The following USP32 variants were observed in gnomAD, a reference collection of about 807,000 sequenced individuals.
USP32 encodes ubiquitin specific peptidase 32.
Under a neutral mutation model 204.8 loss-of-function variants are expected in USP32, and 59 were observed. That is an observed-to-expected ratio of 0.29 (90% CI 0.23 to 0.36). USP32 has a LOEUF of 0.36. USP32 is among the 10% of genes least tolerant of loss of function. The pLI, the probability that USP32 is intolerant of heterozygous loss-of-function variation, is 1.00. For missense variants in USP32, 1,160 were observed against 1,946.4 expected (o/e 0.60, Z 7.60); for synonymous variants, 517 against 678.4 (o/e 0.76, Z 3.70).
intron 2 of USP32, among the ~76,000 whole-genome samples, chr17:60,313,181 G>A (rs781022121): frequency 1.3e-5 from 2 of 152,012 alleles, no homozygotes; most frequent in Non-Finnish European, 2.9e-5. Context: ...AACCTGGGAG[G>A]CAGAGGTTGC....
chr17:60,191,228 C>G (rs1475574432), intron 28 of USP32, among the ~76,000 whole-genome samples: 1 of 151,406 alleles, frequency 6.6e-6, no homozygotes, highest in Non-Finnish European at 1.5e-5. Context: ...ATGGTGAAAC[C>G]CTGTCTCTAC....
rs769140175 is a variant in USP32, at chr17:60,183,158, G to T, written c.4123+7C>A. On this transcript the variant is annotated splice_region_variant and intron_variant, in intron 31 of 33. Transcript: ENST00000300896. ...GAAAGCACCTGCATAAGGCCCCCAG[G>T]CCTCACCTTTCGGGCTGCTGATGAT... The T allele has an allele frequency of 1.9e-6, 3 of 1,603,388 alleles. No homozygotes were observed. The highest frequency in any genetic ancestry group is 2.6e-6 in the Non-Finnish European group (3 of 1,173,972).
chr17:60,353,717 G>A (rs1033251028), intron 1 of USP32, among the ~76,000 whole-genome samples: 2 of 152,080 alleles, frequency 1.3e-5, no homozygotes, highest in African/African-American at 4.8e-5. Context: ...CCCCAGCCTG[G>A]GAGACAGAGT....
Position 60,345,558 on chromosome 17 carries a change from C to G in USP32, c.109G>C (p.Gly37Arg). ...TGCTGGCCCATGTAATATGAGAGTC[C>G]ACAGGTCCTCTTGAAAGCATCCTTC... ...RLKDAFKRTC[G>R]LSYYMGQHCF... Residue 37 changes from glycine (G) to arginine (R), a missense_variant, in exon 2 of 34, where the codon GGA (glycine) becomes CGA (arginine). Gly to Arg is a moderately radical substitution (Grantham distance 125). This residue lies in a region of USP32 where 536 missense variants were observed against 680.9 expected (regional missense o/e 0.79). Coordinates refer to ENST00000300896, the MANE Select transcript of USP32 (RefSeq NM_032582.4). 6.2e-7 allele frequency: 1 copy of G among 1,614,158 alleles called. No homozygotes were observed. Among genetic ancestry groups the G allele is most frequent in the Non-Finnish European group, 8.5e-7 (1 of 1,180,034 alleles).
At chr17:60,213,124 T>C (rs572790723) in intron 18 of USP32, among the ~76,000 whole-genome samples, 10 of 152,310 alleles carry the variant, frequency 6.6e-5, no homozygotes, top group African/African-American at 2.2e-4. Context: ...ACTTAAAAAG[T>C]TTTTAATGGC....
At chr17:60,245,449 AC>A in intron 11 of USP32, 1 of 354,672 alleles carries the variant, frequency 2.8e-6, no homozygotes. Context: ...GACATTGCGG[AC>A]CAGGAAATTC....
chr17:60,405,014 C>A (rs906907127), intron 1 of USP32, among the ~76,000 whole-genome samples: 2 of 151,980 alleles, frequency 1.3e-5, no homozygotes, highest in Non-Finnish European at 2.9e-5. Context: ...CTCGTCTCTA[C>A]TAAAAATACA....
chr17:60,231,619 AC>A lies in USP32; in HGVS notation c.1239+4518del, dbSNP rs772637225. 1.2e-5 allele frequency: 6 copies of A among 517,048 alleles called. No individual in the cohort carries two copies. In the East Asian group the frequency reaches 2.2e-4, roughly 19 times the overall value. The allele number at this position is 517,048 out of a possible 1,614,324, so 32.0% of individuals were successfully genotyped here. ...CCAGCCTTGGCTAAGGAGAACAGGGACCCCCCAAAGCCCATGGGAGAGAGGC... is the reference window on the plus strand; with the variant it reads ...CCAGCCTTGGCTAAGGAGAACAGGGACCCCCAAAGCCCATGGGAGAGAGGC... On this transcript the variant is annotated intron_variant, in intron 12 of 33. Transcript: ENST00000300896.
At chr17:60,186,697 A>G (rs1567750615) in intron 29 of USP32, among the ~76,000 whole-genome samples, 1 of 152,338 alleles carries the variant, frequency 6.6e-6, no homozygotes, top group East Asian at 1.9e-4. Context: ...GGAATTAAGT[A>G]TAAGAAAGGA....
intron 2 of USP32, among the ~76,000 whole-genome samples, chr17:60,310,653 C>T (rs1043901828): frequency 1.3e-5 from 2 of 151,740 alleles, no homozygotes; most frequent in African/African-American, 2.4e-5. Context: ...GAGCCAAGAT[C>T]GACCCACTGC....
chr17:60,391,515 G>A (rs2089833137), intron 1 of USP32, among the ~76,000 whole-genome samples: 1 of 152,122 alleles, frequency 6.6e-6, no homozygotes, highest in Non-Finnish European at 1.5e-5. Flanking sequence ...TTTTTATGAA[G>A]GAATGATAGG....
intron 1 of USP32, among the ~76,000 whole-genome samples, chr17:60,351,384 A>T (rs1450887688): frequency 6.0e-5 from 9 of 150,012 alleles, no homozygotes; most frequent in Non-Finnish European, 1.2e-4. Flanking sequence ...TTTAATTTGT[A>T]CCTTTAGCTG....
At chr17:60,400,737 C>T (rs779035509) in intron 1 of USP32, among the ~76,000 whole-genome samples, 2 of 152,082 alleles carry the variant, frequency 1.3e-5, no homozygotes, top group Non-Finnish European at 2.9e-5. Flanking sequence ...GCTGTAAGAC[C>T]AAGATGGGTG....
chr17:60,255,798 C>A (rs1391717423), intron 9 of USP32, among the ~76,000 whole-genome samples: 1 of 152,060 alleles, frequency 6.6e-6, no homozygotes, highest in Non-Finnish European at 1.5e-5. Context: ...TGAATTTTAT[C>A]AACGCAGTAA....
chr17:60,273,053 C>T (rs1167326941), intron 5 of USP32, among the ~76,000 whole-genome samples: 3 of 152,176 alleles, frequency 2.0e-5, no homozygotes, highest in Non-Finnish European at 4.4e-5. Context: ...ACTGCAACCT[C>T]TGCCACCCAC....
At chr17:60,245,888 C>G (rs535157195) in intron 11 of USP32, among the ~76,000 whole-genome samples, 2 of 148,656 alleles carry the variant, frequency 1.3e-5, no homozygotes, top group East Asian at 3.9e-4. Context: ...AAAAATATTT[C>G]TATTAAAAAA....
chr17:60,220,978 G>T (rs140441164), intron 15 of USP32, among the ~76,000 whole-genome samples: 9 of 150,394 alleles, frequency 6.0e-5, no homozygotes, highest in East Asian at 1.9e-4. Flanking sequence ...CAGAAACTCT[G>T]TACAGAGTCT....
chr17:60,376,681 G>A (rs982772628), intron 1 of USP32, among the ~76,000 whole-genome samples: 21 of 151,618 alleles, frequency 1.4e-4, no homozygotes, highest in Non-Finnish European at 2.2e-4. Context: ...CTGCCATCAC[G>A]CCCAGCTAAT....
At position 60,181,332 on chromosome 17, in the gene USP32, C is replaced by T; in HGVS notation, c.4540G>A (p.Ala1514Thr). ...TRIKPIYNLY[A>T]ISCHSGILGG... ...TATAATAAACCACTTACCGAAATTG[C>T]ATATAGATTATAAATAGGCTTAATA... The change falls in exon 32 of 34, where the codon GCA (alanine) becomes ACA (threonine). Residue 1514 changes from alanine to threonine, a missense_variant. Physicochemically the swap from Ala to Thr is moderately conservative, Grantham distance 58. This residue lies in a region of USP32 where 244 missense variants were observed against 342.3 expected (regional missense o/e 0.71). Coordinates refer to ENST00000300896, the MANE Select transcript of USP32 (RefSeq NM_032582.4). The T allele has an allele frequency of 6.2e-7, 1 of 1,609,416 alleles. No individual in the cohort carries two copies. The highest frequency in any genetic ancestry group is 8.5e-7 in the Non-Finnish European group (1 of 1,177,542).
Sources: gnomAD v4.1 joint callset for allele counts (sites outside exome capture counted in the v4.1 genomes callset) on GRCh38, gnomAD v4.1.1 for gene constraint, gnomAD v4.1.1 regional missense constraint, MANE v1.5 for transcripts, NCBI Gene and HGNC (gene_info 2026-07-23, HGNC 2026-07-21) for gene names.